Variants in HDAC9 observed in about 807,000 individuals in gnomAD.
HDAC9 encodes the protein histone deacetylase 9.
Under a neutral mutation model 139.4 loss-of-function variants are expected in HDAC9, and 41 were observed. The observed-to-expected ratio is 0.29, with a 90% CI of 0.23 to 0.38. The LOEUF is 0.38. HDAC9 is among the 10% of genes least tolerant of loss of function. The pLI is 1.00. For synonymous variants in HDAC9, 517 were observed against 476.2 expected, an observed-to-expected ratio of 1.09 and a Z score of -1.12; for missense variants, 1,147 against 1,297.0, an observed-to-expected ratio of 0.88 and a Z score of 1.78.
intron 1 of HDAC9, among the ~76,000 whole-genome samples, chr7:18,355,057 C>G (rs1237000652): frequency 2.6e-5 from 4 of 152,146 alleles, no homozygotes; most frequent in Non-Finnish European, 4.4e-5. Context: ...AGTTACAAAT[C>G]CAGTCTTTAT....
intron 22 of HDAC9, among the ~76,000 whole-genome samples, chr7:18,899,966 C>G (rs1433706389): frequency 1.3e-5 from 2 of 151,988 alleles, no homozygotes; most frequent in African/African-American, 4.8e-5. Context: ...AATACACACA[C>G]AGAAAGATGA....
At chr7:18,863,061 C>T (rs1159254762) in intron 21 of HDAC9, among the ~76,000 whole-genome samples, 2 of 152,246 alleles carry the variant, frequency 1.3e-5, no homozygotes, top group East Asian at 1.9e-4. Flanking sequence ...TTGGAACCAG[C>T]TGGACAAGAG....
intron 2 of HDAC9, among the ~76,000 whole-genome samples, chr7:18,214,921 A>G (rs1289605611): frequency 1.3e-5 from 2 of 152,162 alleles, no homozygotes; most frequent in Admixed American, 6.6e-5. Flanking sequence ...TTGGAAGAGC[A>G]TACTGTTGGT....
intron 2 of HDAC9, among the ~76,000 whole-genome samples, chr7:18,512,372 TATATAA>T (rs1246749019): frequency 6.6e-6 from 1 of 152,158 alleles, no homozygotes; most frequent in Non-Finnish European, 1.5e-5. Flanking sequence ...AGGACTGTTT[TATATAA>T]AAAACAACCA....
intron 24 of HDAC9, among the ~76,000 whole-genome samples, chr7:18,969,262 C>A (rs942785910): frequency 6.6e-6 from 1 of 152,096 alleles, no homozygotes; most frequent in African/African-American, 2.4e-5. Context: ...GTGGAGAGAT[C>A]TTATAATACA....
intron 22 of HDAC9, among the ~76,000 whole-genome samples, chr7:18,900,324 C>T (rs13230679): frequency 6.6e-6 from 1 of 152,142 alleles, no homozygotes; most frequent in Non-Finnish European, 1.5e-5. Context: ...TTCATGCTTT[C>T]TAAGCATGAA....
chr7:18,539,194 A>T (rs1434502207), intron 2 of HDAC9, among the ~76,000 whole-genome samples: 2 of 152,246 alleles, frequency 1.3e-5, no homozygotes, highest in Non-Finnish European at 2.9e-5. Flanking sequence ...ATCACCAGTG[A>T]TAAGTCATGT....
intron 22 of HDAC9, among the ~76,000 whole-genome samples, chr7:18,922,569 CAAATCTGCATTTT>C (rs1268668541): frequency 1.3e-5 from 2 of 152,026 alleles, no homozygotes; most frequent in Admixed American, 1.3e-4. Context: ...ATGAGGCTCA[CAAATCTGCATTTT>C]AACAAACACC....
intron 2 of HDAC9, among the ~76,000 whole-genome samples, chr7:18,274,166 C>A (rs1357201072): frequency 2.0e-5 from 3 of 152,056 alleles, no homozygotes; most frequent in Non-Finnish European, 2.9e-5. Context: ...AAAATAGAAT[C>A]AAAGTGAATA....
intron 1 of HDAC9, among the ~76,000 whole-genome samples, chr7:18,464,405 C>G (rs538281852): frequency 6.6e-6 from 1 of 152,006 alleles, no homozygotes; most frequent in East Asian, 1.9e-4. Context: ...TCATCTTTTT[C>G]CTACTTGAAT....
chr7:18,095,375 A>C (rs1009088797), intron 1 of HDAC9, among the ~76,000 whole-genome samples: 2 of 152,168 alleles, frequency 1.3e-5, no homozygotes, highest in African/African-American at 4.8e-5. Flanking sequence ...CTTTAAAAGG[A>C]ATTTGCATTT....
chr7:18,167,147 A>G (rs536576400), intron 2 of HDAC9, among the ~76,000 whole-genome samples: 99 of 152,090 alleles, frequency 6.5e-4, no homozygotes, highest in African/African-American at 2.2e-3. Flanking sequence ...AGGGTATGGT[A>G]TTAATGGGAA....
chr7:18,223,744 A>G (rs1289049249), intron 2 of HDAC9, among the ~76,000 whole-genome samples: 3 of 152,012 alleles, frequency 2.0e-5, no homozygotes, highest in African/African-American at 4.8e-5. Context: ...CATGTTTCCT[A>G]TATACTCTTA....
chr7:18,962,116 T>A (rs1246407484), intron 24 of HDAC9, among the ~76,000 whole-genome samples: 2 of 152,114 alleles, frequency 1.3e-5, no homozygotes, highest in Non-Finnish European at 2.9e-5. Context: ...GTAAAATACT[T>A]CTAATCAGAA....
At chr7:18,152,533 C>G (rs1045458405) in intron 1 of HDAC9, among the ~76,000 whole-genome samples, 17 of 152,070 alleles carry the variant, frequency 1.1e-4, no homozygotes, top group African/African-American at 3.6e-4. Context: ...GTTTCTGGGC[C>G]CTTGTCCTAA....
At chr7:18,411,313 A>G (rs181144024) in intron 1 of HDAC9, among the ~76,000 whole-genome samples, 4 of 152,352 alleles carry the variant, frequency 2.6e-5, no homozygotes, top group African/African-American at 9.6e-5. Flanking sequence ...TCAAACTGCA[A>G]ATACACAATC....
At chr7:18,494,913 G>A (rs1253385714), upstream of HDAC9, among the ~76,000 whole-genome samples, 1 of 151,984 alleles carries the variant, frequency 6.6e-6, no homozygotes, top group East Asian at 1.9e-4. Context: ...AGAGGCTGAG[G>A]GGAAATTTTC....
At chr7:18,634,335 T>G (rs1284323928) in intron 7 of HDAC9, among the ~76,000 whole-genome samples, 2 of 133,936 alleles carry the variant, frequency 1.5e-5, no homozygotes, top group African/African-American at 6.9e-5. Flanking sequence ...TTTCTTCAGT[T>G]TTTTTTTTTT....
chr7:18,988,312 C>T (rs1265085069), intron 25 of HDAC9, among the ~76,000 whole-genome samples: 12 of 151,972 alleles, frequency 7.9e-5, no homozygotes, highest in East Asian at 3.9e-4. Context: ...GCCTTCATTT[C>T]GTTATGTACC....
Sources: allele counts gnomAD v4.1 joint callset (sites outside exome capture counted in the v4.1 genomes callset), GRCh38; gene constraint gnomAD v4.1.1; transcripts MANE v1.5; gene names NCBI Gene and HGNC (gene_info 2026-07-23, HGNC 2026-07-21).